UBE3B: variants seen among roughly 807,000 people sequenced by gnomAD.
UBE3B encodes the protein ubiquitin-protein ligase E3B.
In UBE3B, 80 loss-of-function variants were observed where a neutral mutation model predicts 132.3. That is an observed-to-expected ratio of 0.60 (90% CI 0.50 to 0.73). UBE3B has a LOEUF of 0.73. Ranked by LOEUF, UBE3B falls within the 30% of genes least tolerant of loss-of-function variation. The pLI is 0.00. For missense variants in UBE3B, 1,196 were observed against 1,362.5 expected (o/e 0.88, Z 1.92); for synonymous variants, 487 against 520.4 (o/e 0.94, Z 0.87).
At position 109,525,406 on chromosome 12, in the gene UBE3B, G is replaced by T. The variant is rs540120107; in HGVS notation, c.2568+903G>T. 2.0e-5 allele frequency among the ~76,000 whole-genome samples: 3 copies of T among 152,306 alleles called. No homozygotes were observed. In the East Asian group the frequency reaches 5.8e-4, roughly 29 times the overall value. ...GATCGTTCTCTACAGAATAGCTCAC[G>T]GGCAGGGTGTTCCTGGAATCAGGGG... On this transcript the variant is annotated intron_variant, in intron 23 of 27. Transcript: ENST00000342494.
the UBE3B span, among the ~76,000 whole-genome samples, chr12:109,544,801 G>C: frequency 3.3e-5 from 5 of 152,332 alleles, no homozygotes; most frequent in East Asian, 3.9e-4. Context: ...ACCAGCCTCT[G>C]TATTTCTCCA....
chr12:109,506,718 G>GT (rs1432378995), intron 14 of UBE3B, among the ~76,000 whole-genome samples: 14 of 152,338 alleles, frequency 9.2e-5, no homozygotes, highest in African/African-American at 3.4e-4. Context: ...CTGAGTAGTT[G>GT]TAACAGTGTT....
intron 5 of UBE3B, among the ~76,000 whole-genome samples, 193 bp downstream of exon 5, chr12:109,486,264 C>T (rs1876407239): frequency 6.6e-6 from 1 of 152,338 alleles, no homozygotes; most frequent in Non-Finnish European, 1.5e-5. Context: ...GCTCTTGCCA[C>T]AACACAGGAT....
Position 109,510,391 on chromosome 12 carries a change from T to C in UBE3B, c.1789T>C (p.Trp597Arg). The C allele has an allele frequency of 6.2e-7, 1 of 1,612,820 alleles. No individual in the cohort carries two copies. Among genetic ancestry groups the C allele is most frequent in the Non-Finnish European group, 8.5e-7 (1 of 1,179,606 alleles). ...GGAGCTGTTCCAGTCTGTCCACGGG[T>C]GGCTTATGGTGCTGTACGAGCGGGA... ...TLELFQSVHG[W>R]LMVLYERDCR... Residue 597 changes from tryptophan to arginine, a missense_variant, in exon 17 of 28, where the codon TGG (tryptophan) becomes CGG (arginine). Coordinates refer to ENST00000342494, the MANE Select transcript of UBE3B (RefSeq NM_130466.4).
downstream of UBE3B, among the ~76,000 whole-genome samples, chr12:109,537,768 G>T (rs959773731): frequency 6.6e-6 from 1 of 152,044 alleles, no homozygotes; most frequent in Non-Finnish European, 1.5e-5. Flanking sequence ...GCAGTGGCGC[G>T]ATCTCAGCTC....
the UBE3B span, among the ~76,000 whole-genome samples, chr12:109,545,960 G>A: frequency 6.6e-6 from 1 of 152,168 alleles, no homozygotes; most frequent in African/African-American, 2.4e-5. Flanking sequence ...GAAGCTCACC[G>A]GGTAGAGGGA....
intron 8 of UBE3B, 159 bp downstream of exon 8, chr12:109,490,163 G>GTC (rs2135834607): frequency 1.1e-6 from 1 of 888,906 alleles, no homozygotes; most frequent in South Asian, 1.4e-5. Flanking sequence ...CCCCTGCCTT[G>GTC]TCTCACTTGT....
chr12:109,531,529 A>G (rs1167999449), intron 26 of UBE3B, among the ~76,000 whole-genome samples: 3 of 152,154 alleles, frequency 2.0e-5, no homozygotes, highest in Admixed American at 2.0e-4. Flanking sequence ...TTGGGCTTGA[A>G]CAATCTCATG....
At chr12:109,532,121 C>G (rs1430623154) in intron 26 of UBE3B, among the ~76,000 whole-genome samples, 2 of 152,194 alleles carry the variant, frequency 1.3e-5, no homozygotes, top group African/African-American at 4.8e-5. Context: ...AAGCTTCCCT[C>G]CCTCCTTTCA....
Position 109,507,833 on chromosome 12 carries a change from A to G in UBE3B, c.1622+98A>G, listed in dbSNP as rs1049928093. ...AGTAATTGCTAATGTGATTACTGCA[A>G]ACATTTGGACCTGTGTGGCAGGGCA... is the stretch of plus-strand genomic sequence containing the variant. On this transcript the variant is annotated intron_variant, in intron 15 of 27. Coordinates refer to ENST00000342494, the MANE Select transcript of UBE3B (RefSeq NM_130466.4). 2.2e-6 allele frequency: 3 copies of G among 1,378,732 alleles called. No homozygotes were observed. The African/African-American group carries it at 4.3e-5, about 20-fold the overall frequency. The allele number at this position is 1,378,732 out of a possible 1,614,324, so 85.4% of individuals were successfully genotyped here.
rs1875864629 is a variant in UBE3B at position 109,483,650 on chromosome 12, T to C, written c.99T>C (p.Ala33=). The C allele has an allele frequency of 1.9e-6, 3 of 1,613,318 alleles. No homozygotes were observed. The highest frequency in any genetic ancestry group is 2.5e-6 in the Non-Finnish European group (3 of 1,179,818). The change falls in exon 3 of 28, where the codon GCT becomes GCC. Residue 33 remains alanine, a synonymous_variant. Transcript: ENST00000342494. ...TGCAGAAGGAACGGGAGCGGGCAGCTGTTGTGATCCAGGCCCATGTCCGGA... is the reference window on the plus strand; with the variant it reads ...TGCAGAAGGAACGGGAGCGGGCAGCCGTTGTGATCCAGGCCCATGTCCGGA... ...RLVQKERERA[A]VVIQAHVRSF... is the part of the protein sequence containing the mutation.
At chr12:109,489,198 C>T (rs1191461993) in intron 7 of UBE3B, among the ~76,000 whole-genome samples, 1 of 152,214 alleles carries the variant, frequency 6.6e-6, no homozygotes, top group Non-Finnish European at 1.5e-5. Context: ...ACTTTAGGTG[C>T]TCCCTTCCTC....
At chr12:109,501,734 C>T (rs554484024) in intron 13 of UBE3B, among the ~76,000 whole-genome samples, 200 bp downstream of exon 13, 1 of 152,200 alleles carries the variant, frequency 6.6e-6, no homozygotes, top group Non-Finnish European at 1.5e-5. Flanking sequence ...TTACTAGCCT[C>T]TAACTCCTAG....
At chr12:109,545,902 T>C in the UBE3B span, among the ~76,000 whole-genome samples, 1 of 152,182 alleles carries the variant, frequency 6.6e-6, no homozygotes, top group Non-Finnish European at 1.5e-5. Context: ...AAGGCAGAGC[T>C]GGATTTCAGG....
chr12:109,486,118 A>G (rs1876383667), intron 5 of UBE3B, 47 bp downstream of exon 5: 2 of 1,543,512 alleles, frequency 1.3e-6, no homozygotes, highest in Admixed American at 2.0e-5. Flanking sequence ...CTTAAGGGCC[A>G]ACCTACTGGG....
chr12:109,490,610 C>T lies in UBE3B; in HGVS notation c.631-435C>T, dbSNP rs557273493. 88 of 1,534,966 alleles carry T rather than the reference C, an allele frequency of 5.7e-5. No individual in the cohort carries two copies. The African/African-American group carries it at 9.7e-4, about 17-fold the overall frequency. The stretch of plus-strand genomic sequence containing the variant: ...GTCTCGCTAGAGGAACCTTCTACTT[C>T]ATACCATAATTAAACGGCTTCTAAA... On this transcript the variant is annotated intron_variant, in intron 8 of 27. Coordinates refer to ENST00000342494, the MANE Select transcript of UBE3B (RefSeq NM_130466.4).
downstream of UBE3B, among the ~76,000 whole-genome samples, chr12:109,539,845 C>T (rs1224367053): frequency 6.6e-6 from 1 of 152,082 alleles, no homozygotes; most frequent in African/African-American, 2.4e-5. Context: ...TTCCATTATG[C>T]ACTGGGGGCA....
At chr12:109,543,018 C>T in the UBE3B span, among the ~76,000 whole-genome samples, 1 of 152,224 alleles carries the variant, frequency 6.6e-6, no homozygotes, top group Non-Finnish European at 1.5e-5. Flanking sequence ...TGCTGCTCAG[C>T]CCCAGCAGCT....
intron 18 of UBE3B, among the ~76,000 whole-genome samples, chr12:109,513,733 G>T (rs1880644015): frequency 6.6e-6 from 1 of 152,048 alleles, no homozygotes; most frequent in South Asian, 2.1e-4. Flanking sequence ...TGTCATCAAG[G>T]TTGTTTGTCC....
Sources: gnomAD v4.1 joint callset for allele counts (sites outside exome capture counted in the v4.1 genomes callset) on GRCh38, gnomAD v4.1.1 for gene constraint, MANE v1.5 for transcripts, NCBI Gene and HGNC (gene_info 2026-07-23, HGNC 2026-07-21) for gene names.